RNGTT: variants seen among roughly 807,000 people sequenced by gnomAD.
RNGTT encodes mRNA-capping enzyme.
A neutral mutation model predicts 79.3 loss-of-function variants in RNGTT; 33 were observed. The observed-to-expected ratio is 0.42, with a 90% CI of 0.32 to 0.56. RNGTT has a LOEUF of 0.56. Among genes scored for constraint, RNGTT ranks in the 20% least tolerant of loss-of-function variants. RNGTT has a pLI of 0.17. For missense variants in RNGTT, 497 were observed against 739.1 expected, an observed-to-expected ratio of 0.67 and a Z score of 3.80; for synonymous variants, 222 against 235.9, an observed-to-expected ratio of 0.94 and a Z score of 0.54.
intron 13 of RNGTT, among the ~76,000 whole-genome samples, chr6:88,716,828 G>T (rs1056779792): frequency 1.3e-5 from 2 of 152,118 alleles, no homozygotes; most frequent in African/African-American, 4.8e-5. Flanking sequence ...GGGGTGGGGG[G>T]AGCAGGGAGG....
At chr6:88,843,237 G>A (rs1230483705) in intron 11 of RNGTT, among the ~76,000 whole-genome samples, 4 of 151,350 alleles carry the variant, frequency 2.6e-5, no homozygotes, top group African/African-American at 9.7e-5. Flanking sequence ...AAGGAATTTG[G>A]CAGTAGTTAC....
chr6:88,865,216 C>T (rs909400632), intron 8 of RNGTT, among the ~76,000 whole-genome samples: 3 of 151,998 alleles, frequency 2.0e-5, no homozygotes, highest in Non-Finnish European at 4.4e-5. Flanking sequence ...GTCCAAGGCA[C>T]AGAGTACTTA....
At chr6:88,962,680 G>C (rs1441554096) in intron 1 of RNGTT, among the ~76,000 whole-genome samples, 1 of 151,768 alleles carries the variant, frequency 6.6e-6, no homozygotes, top group Non-Finnish European at 1.5e-5. Context: ...CTGAGGCAGT[G>C]AGCCGAGATC....
chr6:88,925,097 G>A (rs1246238022), intron 4 of RNGTT, among the ~76,000 whole-genome samples: 1 of 151,560 alleles, frequency 6.6e-6, no homozygotes, highest in Non-Finnish European at 1.5e-5. Flanking sequence ...ACTAATTACA[G>A]ATTTCAACTT....
intron 11 of RNGTT, among the ~76,000 whole-genome samples, chr6:88,837,401 C>T (rs1781116978): frequency 6.6e-6 from 1 of 151,912 alleles, no homozygotes; most frequent in South Asian, 2.1e-4. Flanking sequence ...TGTCTTAAAA[C>T]AACAACAACA....
intron 13 of RNGTT, among the ~76,000 whole-genome samples, chr6:88,720,710 C>G (rs1257978590): frequency 1.3e-5 from 2 of 151,964 alleles, no homozygotes; most frequent in Non-Finnish European, 2.9e-5. Flanking sequence ...AAAGTACTAT[C>G]GAACAGATTA....
chr6:88,947,205 C>A (rs1308079778), intron 1 of RNGTT, among the ~76,000 whole-genome samples: 1 of 47,712 alleles, frequency 2.1e-5, no homozygotes, highest in Non-Finnish European at 3.9e-5. Flanking sequence ...TGAGGAGCGC[C>A]TCTTCCCAGC....
intron 13 of RNGTT, among the ~76,000 whole-genome samples, chr6:88,693,208 TAAAC>T (rs1213125751): frequency 3.3e-5 from 5 of 151,880 alleles, no homozygotes; most frequent in South Asian, 2.1e-4. Context: ...TCTGAAAAGA[TAAAC>T]AAAATTGGCA....
chr6:88,678,251 G>A (rs1292006506), intron 14 of RNGTT, 102 bp downstream of exon 14: 3 of 1,479,168 alleles, frequency 2.0e-6, no homozygotes, highest in Non-Finnish European at 2.7e-6. Flanking sequence ...CCAAAGTGCT[G>A]GAACACGATA....
chr6:88,705,102 A>G (rs1220757462), intron 13 of RNGTT, among the ~76,000 whole-genome samples: 1 of 152,162 alleles, frequency 6.6e-6, no homozygotes, highest in East Asian at 1.9e-4. Context: ...ATTCCTTTAG[A>G]TGCACTATGA....
rs150540988 is a variant in RNGTT at position 88,866,342 on chromosome 6, T to A, written c.897-12578A>T. On this transcript the variant is annotated intron_variant, in intron 8 of 15. Coordinates refer to ENST00000369485, the MANE Select transcript of RNGTT (RefSeq NM_003800.5). ...TACCCCACCTCCAGTGCTGCGACAA[T>A]CCTAAAATTTCCTAAGGCACAAGAA... Among the ~76,000 whole-genome samples the A allele has an allele frequency of 4.8e-3, 737 of 152,124 alleles. 2 individuals carry two copies. Among genetic ancestry groups the A allele is most frequent in the Non-Finnish European group, 8.4e-3 (572 of 67,990 alleles).
chr6:88,963,124 G>C (rs549870938), intron 1 of RNGTT, among the ~76,000 whole-genome samples: 1 of 151,924 alleles, frequency 6.6e-6, no homozygotes, highest in Non-Finnish European at 1.5e-5. Context: ...CTTCACATTC[G>C]CACAGTTAGC....
intron 12 of RNGTT, among the ~76,000 whole-genome samples, chr6:88,791,548 A>T (rs940492670): frequency 4.6e-5 from 7 of 151,052 alleles, no homozygotes; most frequent in South Asian, 2.1e-4. Context: ...TTATTTATTT[A>T]TTTTTTTTTG....
chr6:88,706,629 T>C (rs1014830176), intron 13 of RNGTT, among the ~76,000 whole-genome samples: 2 of 152,088 alleles, frequency 1.3e-5, no homozygotes, highest in African/African-American at 4.8e-5. Context: ...TACCTGAAAA[T>C]GGCATGCTTG....
At chr6:88,723,581 T>A (rs1339340206) in intron 13 of RNGTT, among the ~76,000 whole-genome samples, 1 of 152,180 alleles carries the variant, frequency 6.6e-6, no homozygotes, top group Non-Finnish European at 1.5e-5. Context: ...AGTCACTACC[T>A]GCAACATCTT....
chr6:88,727,535 T>C (rs1776958941), intron 13 of RNGTT, among the ~76,000 whole-genome samples: 1 of 152,226 alleles, frequency 6.6e-6, no homozygotes, highest in Admixed American at 6.5e-5. Context: ...TCTATAAAAA[T>C]CTTACTTTAT....
chr6:88,924,179 G>GAC (rs1313117198), intron 4 of RNGTT, among the ~76,000 whole-genome samples: 2 of 152,198 alleles, frequency 1.3e-5, no homozygotes, highest in African/African-American at 4.8e-5. Flanking sequence ...GAACTGAACT[G>GAC]ACACCCCTCC....
At chr6:88,640,376 C>T (rs377279953) in intron 14 of RNGTT, among the ~76,000 whole-genome samples, 53 of 141,328 alleles carry the variant, frequency 3.8e-4, no homozygotes, top group African/African-American at 1.4e-3. Flanking sequence ...ATACCGAGAC[C>T]CTGTCTCTAC....
chr6:88,913,508 A>G (rs1285317378), intron 4 of RNGTT, among the ~76,000 whole-genome samples: 4 of 152,192 alleles, frequency 2.6e-5, no homozygotes, highest in Non-Finnish European at 5.9e-5. Context: ...AAGCTAATTC[A>G]CTGCTTCAAG....
Sources: gnomAD v4.1 joint callset for allele counts (sites outside exome capture counted in the v4.1 genomes callset) on GRCh38, gnomAD v4.1.1 for gene constraint, MANE v1.5 for transcripts, NCBI Gene and HGNC (gene_info 2026-07-23, HGNC 2026-07-21) for gene names.